Variants in SV2B observed in about 807,000 individuals in gnomAD.
SV2B encodes the protein solute carrier family 22 member B2.
A neutral mutation model predicts 73.9 loss-of-function variants in SV2B; 41 were observed. That is an observed-to-expected ratio of 0.56 (90% CI 0.43 to 0.72). The LOEUF is 0.72. SV2B is among the 30% of genes least tolerant of loss of function. SV2B has a pLI of 0.00. For missense variants in SV2B, 764 were observed against 857.8 expected, an observed-to-expected ratio of 0.89 and a Z score of 1.37; for synonymous variants, 314 against 314.2, an observed-to-expected ratio of 1.00 and a Z score of 0.01.
chr15:91,150,583 C>T (rs968723797), intron 1 of SV2B, among the ~76,000 whole-genome samples: 3 of 152,222 alleles, frequency 2.0e-5, no homozygotes, highest in African/African-American at 7.2e-5. Context: ...CTTCTTTGGA[C>T]TTGCTCCTGA....
chr15:91,197,157 A>G lies in SV2B; in HGVS notation c.-391-28716A>G, dbSNP rs1223242682. ...AAATTACCGTACTTCTCAGAGAATC[A>G]ATACCCATTAACAAAAAGAAATGCT... On this transcript the variant is annotated intron_variant, in intron 1 of 12. Coordinates refer to ENST00000394232, the MANE Select transcript of SV2B (RefSeq NM_001323032.3). The surrounding 1 kb of genome is among the most constrained non-coding windows in gnomAD (Gnocchi z 4.9). Among the ~76,000 whole-genome samples the G allele has an allele frequency of 6.6e-6, 1 of 152,222 alleles. No homozygotes were observed. The highest frequency in any genetic ancestry group is 6.5e-5 in the Admixed American group (1 of 15,282).
intron 1 of SV2B, among the ~76,000 whole-genome samples, chr15:91,108,385 G>C (rs1039653338): frequency 6.6e-6 from 1 of 152,186 alleles, no homozygotes; most frequent in Non-Finnish European, 1.5e-5. Flanking sequence ...GAAAATTTTG[G>C]AGTCATGTGT....
At chr15:91,126,601 T>C (rs2042490421) in intron 1 of SV2B, among the ~76,000 whole-genome samples, 1 of 152,060 alleles carries the variant, frequency 6.6e-6, no homozygotes, top group Non-Finnish European at 1.5e-5. Context: ...GACATAAAAA[T>C]CCTCAAGAAA....
intron 1 of SV2B, among the ~76,000 whole-genome samples, chr15:91,164,528 C>G: frequency 6.6e-6 from 1 of 152,164 alleles, no homozygotes; most frequent in East Asian, 1.9e-4. Flanking sequence ...AATTGTCTCC[C>G]TATTTTTAGT....
intron 12 of SV2B, among the ~76,000 whole-genome samples, chr15:91,291,982 G>A (rs2049056215): frequency 6.6e-6 from 1 of 152,172 alleles, no homozygotes; most frequent in African/African-American, 2.4e-5. Context: ...CAGGAGGGTT[G>A]AGAGTGTTAA....
intron 1 of SV2B, among the ~76,000 whole-genome samples, chr15:91,216,792 AG>A (rs2046044208): frequency 1.3e-5 from 2 of 151,312 alleles, no homozygotes; most frequent in South Asian, 2.1e-4. Flanking sequence ...ACAAAAGTAA[AG>A]CATAGCATTA....
chr15:91,272,009 G>A lies in SV2B; in HGVS notation c.1373+3404G>A, dbSNP rs370572596. Among the ~76,000 whole-genome samples, 13 of 152,296 alleles carry A rather than the reference G, an allele frequency of 8.5e-5. 1 individual carries two copies. The East Asian group carries it at 1.4e-3, about 16-fold the overall frequency. On this transcript the variant is annotated intron_variant, in intron 9 of 12. Transcript: ENST00000394232. ...TTCACCCACGGAAGTTGTTGACAAA[G>A]GAAATTCTATTGAAACCTCAGTTTC...
Position 91,214,349 on chromosome 15 carries a change from A to G in SV2B, c.-391-11524A>G, listed in dbSNP as rs2045958378. 6.6e-6 allele frequency among the ~76,000 whole-genome samples: 1 copy of G among 152,182 alleles called. No individual in the cohort carries two copies. The highest frequency in any genetic ancestry group is 2.4e-5 in the African/African-American group (1 of 41,438). On this transcript the variant is annotated intron_variant, in intron 1 of 12. Coordinates refer to ENST00000394232, the MANE Select transcript of SV2B (RefSeq NM_001323032.3). The surrounding 1 kb of genome is among the most constrained non-coding windows in gnomAD (Gnocchi z 4.7). ...GAGTGTGGTATGCATCTCTGCAGGA[A>G]TTAGGGAATACCTAGGAAGGCATAT...
In SV2B at chr15:91,110,243, A is replaced by T. The variant is rs1352757715; in HGVS notation, c.-392+9880A>T. Among the ~76,000 whole-genome samples the T allele has an allele frequency of 6.6e-6, 1 of 152,192 alleles. No homozygotes were observed. Among genetic ancestry groups the T allele is most frequent in the Admixed American group, 6.5e-5 (1 of 15,284 alleles). On this transcript the variant is annotated intron_variant, in intron 1 of 12. Coordinates refer to ENST00000394232, the MANE Select transcript of SV2B (RefSeq NM_001323032.3). The surrounding 1 kb of genome is among the most constrained non-coding windows in gnomAD (Gnocchi z 5.4). ...AGGTTTAATTGGCTCCTGGATTCAT[A>T]CAGTAAGTTAATGATGGAGAGAGGG... is the stretch of plus-strand genomic sequence containing the variant.
At chr15:91,247,765 C>T (rs923791520) in intron 2 of SV2B, among the ~76,000 whole-genome samples, 2 of 152,150 alleles carry the variant, frequency 1.3e-5, no homozygotes, top group Admixed American at 6.5e-5. Flanking sequence ...AAGCCTCCCT[C>T]TAGCGCCCTC....
rs1261730443 is a variant in SV2B, at chr15:91,242,373, G to T, written c.452-9446G>T. Among the ~76,000 whole-genome samples the T allele has an allele frequency of 6.6e-6, 1 of 152,158 alleles. No individual in the cohort carries two copies. The highest frequency in any genetic ancestry group is 2.4e-5 in the African/African-American group (1 of 41,438). On this transcript the variant is annotated intron_variant, in intron 2 of 12. Transcript: ENST00000394232. The surrounding 1 kb of genome is among the most constrained non-coding windows in gnomAD (Gnocchi z 4.9). ...GGATGCCACCTTTAAAATGCATCCA[G>T]AATCCAGCCACTTCTTACCACTTTC...
chr15:91,111,408 G>A (rs1041715193), intron 1 of SV2B, among the ~76,000 whole-genome samples: 1 of 152,182 alleles, frequency 6.6e-6, no homozygotes, highest in Non-Finnish European at 1.5e-5. Context: ...TCTGCAGTAG[G>A]GGAGCTCATT....
At chr15:91,207,626 C>T (rs551878447) in intron 1 of SV2B, among the ~76,000 whole-genome samples, 1 of 152,082 alleles carries the variant, frequency 6.6e-6, no homozygotes, top group Admixed American at 6.5e-5. Flanking sequence ...ATGGCTGACA[C>T]CCCATAACCA....
Position 91,118,396 on chromosome 15 carries a change from A to C in SV2B, c.-392+18033A>C, listed in dbSNP as rs114749176. ...ATTTAATGGAGTAGCCCATGCCAGC[A>C]AGAAAGATGGGTGGTAGTACAGTGC... On this transcript the variant is annotated intron_variant, in intron 1 of 12. Transcript: ENST00000394232. The surrounding 1 kb of genome is among the most constrained non-coding windows in gnomAD (Gnocchi z 4.7). Among the ~76,000 whole-genome samples, 708 of 152,330 alleles carry C rather than the reference A, an allele frequency of 4.6e-3. 3 individuals carry two copies. Among genetic ancestry groups the C allele is most frequent in the African/African-American group, 0.016 (670 of 41,570 alleles).
intron 1 of SV2B, among the ~76,000 whole-genome samples, chr15:91,218,195 A>G (rs1312328465): frequency 1.3e-5 from 2 of 152,190 alleles, no homozygotes; most frequent in Non-Finnish European, 2.9e-5. Flanking sequence ...TTGTGCAGCA[A>G]TATGATTGGA....
intron 2 of SV2B, among the ~76,000 whole-genome samples, chr15:91,243,680 C>T (rs929568837): frequency 1.9e-4 from 29 of 152,242 alleles, no homozygotes; most frequent in Non-Finnish European, 2.8e-4. Flanking sequence ...CCATCTCCTG[C>T]GATGATAAAG....
intron 1 of SV2B, among the ~76,000 whole-genome samples, chr15:91,168,691 C>T (rs1413850605): frequency 6.6e-6 from 1 of 152,152 alleles, no homozygotes; most frequent in Non-Finnish European, 1.5e-5. Flanking sequence ...AAACTCACTG[C>T]TGTATTGGTT....
At chr15:91,275,907 GTAT>G (rs964478250) in intron 9 of SV2B, among the ~76,000 whole-genome samples, 1 of 152,140 alleles carries the variant, frequency 6.6e-6, no homozygotes, top group African/African-American at 2.4e-5. Context: ...ATGTAGATAG[GTAT>G]TATATTTCTT....
rs2042434295 is a variant in SV2B at position 91,124,979 on chromosome 15, A to T, written c.-392+24616A>T. Among the ~76,000 whole-genome samples, 1 of 152,058 alleles carries T rather than the reference A, an allele frequency of 6.6e-6. No homozygotes were observed. The highest frequency in any genetic ancestry group is 1.5e-5 in the Non-Finnish European group (1 of 67,996). On this transcript the variant is annotated intron_variant, in intron 1 of 12. Transcript: ENST00000394232. This position sits in a 1 kb window ranked among gnomAD's most constrained non-coding sequence, Gnocchi z 4.6. ...CAGAAATTTATTTCTGGTGGTTTTG[A>T]AGGCTGGAAGTCCAAGGTCAGGGTG...
Sources: gnomAD v4.1 joint callset for allele counts (sites outside exome capture counted in the v4.1 genomes callset) on GRCh38, gnomAD v4.1.1 for gene constraint, Gnocchi (gnomAD v3.1) non-coding constraint, MANE v1.5 for transcripts, NCBI Gene and HGNC (gene_info 2026-07-23, HGNC 2026-07-21) for gene names.